The following METTL2B variants were observed in gnomAD, a reference collection of about 807,000 sequenced individuals.
The protein encoded by METTL2B is methyltransferase 2B, tRNA N3-cytidine.
Under a neutral mutation model 51.0 loss-of-function variants are expected in METTL2B, and 28 were observed. That is an observed-to-expected ratio of 0.55 (90% CI 0.41 to 0.75). The LOEUF (loss-of-function observed/expected upper bound fraction) is 0.75. METTL2B is among the 30% of genes least tolerant of loss of function. The pLI is 0.00. For synonymous variants in METTL2B, 128 were observed against 166.3 expected, an observed-to-expected ratio of 0.77 and a Z score of 1.77; for missense variants, 313 against 460.7, an observed-to-expected ratio of 0.68 and a Z score of 2.93.
chr7:128,489,570 G>A (rs1792788329), intron 5 of METTL2B, among the ~76,000 whole-genome samples: 1 of 151,898 alleles, frequency 6.6e-6, no homozygotes, highest in Non-Finnish European at 1.5e-5. Context: ...GACTGATCAG[G>A]GTGGTGATTG....
chr7:128,481,507 ACAGATTAAC>A (rs1799872813), intron 4 of METTL2B, among the ~76,000 whole-genome samples: 3 of 152,236 alleles, frequency 2.0e-5, no homozygotes, highest in Non-Finnish European at 4.4e-5. Flanking sequence ...TATGAAGGAT[ACAGATTAAC>A]AGCCAGCTGA....
chr7:128,497,020 T>C (rs540586603), intron 6 of METTL2B, among the ~76,000 whole-genome samples: 1 of 152,270 alleles, frequency 6.6e-6, no homozygotes, highest in East Asian at 1.9e-4. Context: ...TGATCTCAGG[T>C]GATCTGCCTG....
chr7:128,477,332 G>A (rs1277195225), intron 2 of METTL2B, among the ~76,000 whole-genome samples, 159 bp downstream of exon 2: 1 of 152,180 alleles, frequency 6.6e-6, no homozygotes, highest in Non-Finnish European at 1.5e-5. Context: ...AGCAAGGAGG[G>A]AAAAGGGCTG....
rs1463963227 is a variant in METTL2B, at chr7:128,506,507, C to T, written c.*4591C>T. 3 of 152,130 alleles carry T rather than the reference C, an allele frequency of 2.0e-5. No individual in the cohort carries two copies. The highest frequency in any genetic ancestry group is 2.9e-5 in the Non-Finnish European group (2 of 68,038). The allele number at this position is 152,130 out of a possible 1,614,324, so 9.4% of individuals were successfully genotyped here. ...TTGCATAACGTTTCATCCTCAGAAT[C>T]GCTAATGATGGGCAGAGGACTGTTA... is the stretch of plus-strand genomic sequence containing the variant. On this transcript the variant is annotated 3_prime_UTR_variant, in exon 9 of 9. Transcript: ENST00000262432.
Position 128,501,177 on chromosome 7 carries a change from C to T in METTL2B, c.982+209C>T, listed in dbSNP as rs1259533561. ...CCCAGGCAGCCCTGGCTTGTCCATG[C>T]CTTCAGTCCTGCTCTGCTCTCCCTG... is the stretch of plus-strand genomic sequence containing the variant. On this transcript the variant is annotated intron_variant, in intron 8 of 8. Coordinates refer to ENST00000262432, the MANE Select transcript of METTL2B (RefSeq NM_018396.3). The T allele has an allele frequency of 6.1e-6, 6 of 985,358 alleles. No individual in the cohort carries two copies. The African/African-American group carries it at 1.0e-4, about 17-fold the overall frequency. The allele number at this position is 985,358 out of a possible 1,614,324, so 61.0% of individuals were successfully genotyped here.
chr7:128,502,476 T>C lies in METTL2B; in HGVS notation c.*560T>C. 1 of 399,068 alleles carries C rather than the reference T, an allele frequency of 2.5e-6. No homozygotes were observed. Among genetic ancestry groups the C allele is most frequent in the Non-Finnish European group, 4.9e-6 (1 of 204,848 alleles). 24.7% of individuals were successfully genotyped at this position (399,068 alleles called of 1,614,324 possible). A position where few individuals can be genotyped will look rare whatever the true frequency, so the allele number is the denominator to read the frequency against. On this transcript the variant is annotated 3_prime_UTR_variant, in exon 9 of 9. Transcript: ENST00000262432. Reference sequence around the variant, plus strand: ...ATACATACAGGGGTTAGTGAAGGGCTTATTAAGTTGTAGGGGAAGCAAGCT... The same window carrying C: ...ATACATACAGGGGTTAGTGAAGGGCCTATTAAGTTGTAGGGGAAGCAAGCT...
chr7:128,484,232 T>TTTTTTTTTTTTTTTTTTTTTTTGTTG (rs1563027693), intron 4 of METTL2B: 2 of 83,558 alleles, frequency 2.4e-5, no homozygotes, highest in African/African-American at 1.0e-4. Flanking sequence ...TTTTTTTTTT[T>TTTTTTTTTTTTTTTTTTTTTTTGTTG]TTTTTTTTTT....
intron 2 of METTL2B, among the ~76,000 whole-genome samples, chr7:128,478,748 C>T (rs1265803083): frequency 1.3e-5 from 2 of 151,706 alleles, no homozygotes; most frequent in African/African-American, 4.8e-5. Flanking sequence ...CCTGTAGTCC[C>T]AGCTACTCAG....
intron 2 of METTL2B, among the ~76,000 whole-genome samples, chr7:128,478,402 C>T (rs1799830247): frequency 6.6e-6 from 1 of 151,708 alleles, no homozygotes; most frequent in Non-Finnish European, 1.5e-5. Flanking sequence ...AGGTGTGCAC[C>T]ACCATGCCTG....
intron 4 of METTL2B, among the ~76,000 whole-genome samples, chr7:128,486,600 C>T (rs1792723615): frequency 6.6e-6 from 1 of 151,358 alleles, no homozygotes; most frequent in African/African-American, 2.4e-5. Flanking sequence ...GACCTCGTGT[C>T]TCACAAAAAA....
intron 5 of METTL2B, among the ~76,000 whole-genome samples, chr7:128,491,628 TG>T: frequency 6.6e-6 from 1 of 151,084 alleles, no homozygotes; most frequent in African/African-American, 2.4e-5. Context: ...TAGCAGGACG[TG>T]GTGGCATGCA....
At chr7:128,479,827 A>G (rs1016915060) in intron 3 of METTL2B, among the ~76,000 whole-genome samples, 5 of 152,244 alleles carry the variant, frequency 3.3e-5, no homozygotes, top group Admixed American at 6.5e-5. Flanking sequence ...CAACATGATC[A>G]TGCTATAACT....
intron 6 of METTL2B, among the ~76,000 whole-genome samples, chr7:128,496,314 G>A (rs1174000553): frequency 6.6e-6 from 1 of 152,198 alleles, no homozygotes; most frequent in Non-Finnish European, 1.5e-5. Context: ...GGAGGCTGAG[G>A]TGGAAGGAGT....
In METTL2B at chr7:128,493,962, G is replaced by A. The variant is rs377298706; in HGVS notation, c.809+19G>A. 3 of 1,589,318 alleles carry A rather than the reference G, an allele frequency of 1.9e-6. No homozygotes were observed. The highest frequency in any genetic ancestry group is 2.6e-6 in the Non-Finnish European group (3 of 1,171,766). On this transcript the variant is annotated intron_variant, in intron 6 of 8. Coordinates refer to ENST00000262432, the MANE Select transcript of METTL2B (RefSeq NM_018396.3). ...CAGACAAGTAAGTTTGGGTCCCTTA[G>A]CTGGTAGTGTCACAAAAAGAAAGCT...
intron 4 of METTL2B, among the ~76,000 whole-genome samples, chr7:128,485,704 A>G (rs901774243): frequency 1.3e-4 from 19 of 150,828 alleles, no homozygotes; most frequent in African/African-American, 3.9e-4. Context: ...GCTGGCATGC[A>G]CGTGTAGTCT....
Position 128,503,710 on chromosome 7 carries a change from C to CT in METTL2B, c.*1798dup, listed in dbSNP as rs1195637736. On this transcript the variant is annotated 3_prime_UTR_variant, in exon 9 of 9. Coordinates refer to ENST00000262432, the MANE Select transcript of METTL2B (RefSeq NM_018396.3). ...TATCCTTAATTTTAGAAAGTAAGGA[C>CT]TTTTCGACCAGGCATGGCGGCTCAC... is the stretch of plus-strand genomic sequence containing the variant. 6.6e-6 allele frequency: 1 copy of CT among 152,142 alleles called. No individual in the cohort carries two copies. The highest frequency in any genetic ancestry group is 1.5e-5 in the Non-Finnish European group (1 of 68,034). The allele number at this position is 152,142 out of a possible 1,614,324, so 9.4% of individuals were successfully genotyped here.
At chr7:128,497,538 A>G (rs1444552841) in intron 6 of METTL2B, among the ~76,000 whole-genome samples, 1 of 152,172 alleles carries the variant, frequency 6.6e-6, no homozygotes, top group Non-Finnish European at 1.5e-5. Context: ...GCCGGAGGGC[A>G]GTGGTGCAAT....
At chr7:128,492,774 A>G (rs201426766) in intron 5 of METTL2B, among the ~76,000 whole-genome samples, 6 of 150,906 alleles carry the variant, frequency 4.0e-5, no homozygotes, top group Non-Finnish European at 1.5e-5. Flanking sequence ...CTGCCACCAC[A>G]CCCGGCTAAT....
At chr7:128,492,375 T>G (rs958322190) in intron 5 of METTL2B, among the ~76,000 whole-genome samples, 1 of 151,110 alleles carries the variant, frequency 6.6e-6, no homozygotes, top group African/African-American at 2.4e-5. Flanking sequence ...CCAGGCTGGT[T>G]TTGAACTCCT....
Sources: gnomAD v4.1 joint callset for allele counts (sites outside exome capture counted in the v4.1 genomes callset) on GRCh38, gnomAD v4.1.1 for gene constraint, MANE v1.5 for transcripts, NCBI Gene and HGNC (gene_info 2026-07-23, HGNC 2026-07-21) for gene names.